PCDHA4: variants seen among roughly 807,000 people sequenced by gnomAD.
The protein encoded by PCDHA4 is protocadherin alpha 4, also known as protocadherin alpha-4.
PCDHA4 carries 49 observed loss-of-function variants against 61.4 expected under a neutral mutation model. That is an observed-to-expected ratio of 0.80 (90% CI 0.63 to 1.01). The LOEUF (loss-of-function observed/expected upper bound fraction) is 1.01. PCDHA4 is among the 50% of genes least tolerant of loss of function. The pLI is 0.00. For synonymous variants in PCDHA4, 590 were observed against 550.3 expected (o/e 1.07, Z -1.01); for missense variants, 1,254 against 1,235.8 (o/e 1.01, Z -0.22).
At chr5:140,871,283 C>G in intron 1 of PCDHA4, 4 of 1,613,936 alleles carry the variant, frequency 2.5e-6, no homozygotes, top group Non-Finnish European at 3.4e-6. Flanking sequence ...GCAACGCCCA[C>G]TGAGGGCGCG....
At chr5:140,843,442 A>C in intron 1 of PCDHA4, 2 of 1,596,116 alleles carry the variant, frequency 1.3e-6, no homozygotes, top group Non-Finnish European at 1.7e-6. Context: ...TCTGCGCGGT[A>C]TCCAGCCTGC....
intron 1 of PCDHA4, among the ~76,000 whole-genome samples, chr5:140,978,370 A>T (rs78042832): frequency 6.6e-6 from 1 of 152,200 alleles, no homozygotes; most frequent in Non-Finnish European, 1.5e-5. Context: ...AAACTCTGCA[A>T]TAGTTTGTTT....
intron 1 of PCDHA4, chr5:140,966,601 T>C: frequency 1.5e-6 from 1 of 652,170 alleles, no homozygotes; most frequent in East Asian, 3.4e-5. Flanking sequence ...CCAGGAGCCC[T>C]TGGGAGGGCC....
intron 1 of PCDHA4, among the ~76,000 whole-genome samples, chr5:140,948,690 T>C (rs1241278993): frequency 6.6e-6 from 1 of 151,592 alleles, no homozygotes; most frequent in Non-Finnish European, 1.5e-5. Context: ...TTTTTGATAT[T>C]GGTGATTTGT....
intron 3 of PCDHA4, among the ~76,000 whole-genome samples, chr5:140,997,147 A>G (rs545988847): frequency 5.9e-5 from 9 of 152,134 alleles, no homozygotes; most frequent in African/African-American, 2.2e-4. Context: ...CCCCCGCCAC[A>G]GTGACATCCT....
intron 1 of PCDHA4, chr5:140,823,507 G>A: frequency 6.2e-6 from 10 of 1,613,354 alleles, no homozygotes; most frequent in East Asian, 2.2e-5. Flanking sequence ...CGCAGTGAGC[G>A]AGCTGGTGCC....
intron 1 of PCDHA4, chr5:140,825,213 G>T (rs989046877): frequency 6.6e-6 from 1 of 151,464 alleles, no homozygotes; most frequent in African/African-American, 2.4e-5. Context: ...TACTGAAGTA[G>T]ATTTGTTTTT....
chr5:140,869,434 G>A, intron 1 of PCDHA4: 1 of 1,614,218 alleles, frequency 6.2e-7, no homozygotes, highest in Non-Finnish European at 8.5e-7. Flanking sequence ...GGTGATCGTG[G>A]ACAGGCCGCT....
intron 1 of PCDHA4, chr5:140,967,457 G>A: frequency 6.2e-7 from 1 of 1,613,614 alleles, no homozygotes; most frequent in Non-Finnish European, 8.5e-7. Context: ...CACAGCCGTG[G>A]ATGGGGGCAT....
intron 1 of PCDHA4, chr5:140,929,861 G>C (rs2086430114): frequency 6.5e-6 from 1 of 153,628 alleles, no homozygotes; most frequent in Admixed American, 6.5e-5. Context: ...AGTCAGAGAA[G>C]GCTTTGTGAT....
chr5:140,978,915 A>T, intron 1 of PCDHA4, 34 bp from the exon 2 acceptor site: 3 of 1,613,970 alleles, frequency 1.9e-6, no homozygotes, highest in Non-Finnish European at 2.5e-6. Flanking sequence ...TTGTCTTGTC[A>T]TTTTAACAGA....
At chr5:140,958,139 A>T (rs1196467618) in intron 1 of PCDHA4, among the ~76,000 whole-genome samples, 2 of 152,112 alleles carry the variant, frequency 1.3e-5, no homozygotes, top group African/African-American at 2.4e-5. Context: ...CAGTGTGTAT[A>T]TTTATATAGC....
chr5:140,836,437 G>A (rs1447681112), intron 1 of PCDHA4: 1 of 1,613,724 alleles, frequency 6.2e-7, no homozygotes, highest in African/African-American at 1.3e-5. Flanking sequence ...GCATCGTTGG[G>A]CATTGCAGGC....
chr5:141,006,567 C>T (rs2098278386), intron 3 of PCDHA4, among the ~76,000 whole-genome samples: 1 of 152,030 alleles, frequency 6.6e-6, no homozygotes, highest in Admixed American at 6.6e-5. Flanking sequence ...ACTCTGGCTA[C>T]TGTGTGGAGG....
chr5:140,967,503 G>C (rs369053625), intron 1 of PCDHA4: 1 of 1,612,938 alleles, frequency 6.2e-7, no homozygotes, highest in Non-Finnish European at 8.5e-7. Context: ...ATCTCTGTGC[G>C]TGTCCTGGAC....
intron 1 of PCDHA4, among the ~76,000 whole-genome samples, chr5:140,846,536 T>C (rs1215890170): frequency 1.3e-5 from 2 of 148,200 alleles, no homozygotes; most frequent in Admixed American, 1.4e-4. Context: ...CACCATGCCC[T>C]GCTAATTTTT....
chr5:140,883,580 AC>A, intron 1 of PCDHA4: 1 of 1,613,994 alleles, frequency 6.2e-7, no homozygotes. Flanking sequence ...GCTGTGGGCC[AC>A]GGCCAGCGTG....
intron 1 of PCDHA4, chr5:140,854,705 T>A (rs1409807504): frequency 2.7e-5 from 4 of 150,008 alleles, no homozygotes; most frequent in Non-Finnish European, 4.5e-5. Context: ...TTTCCTTTCT[T>A]GGAAAGACAG....
intron 1 of PCDHA4, among the ~76,000 whole-genome samples, chr5:140,826,728 T>C (rs1438551035): frequency 6.6e-6 from 1 of 152,160 alleles, no homozygotes; most frequent in Non-Finnish European, 1.5e-5. Flanking sequence ...GAAGAGCAAG[T>C]GGTCTATATT....
Sources: allele counts gnomAD v4.1 joint callset (sites outside exome capture counted in the v4.1 genomes callset), GRCh38; gene constraint gnomAD v4.1.1; transcripts MANE v1.5; gene names NCBI Gene and HGNC (gene_info 2026-07-23, HGNC 2026-07-21).